SCMH1: variants seen among roughly 807,000 people sequenced by gnomAD.
SCMH1 encodes polycomb protein SCMH1.
Under a neutral mutation model 70.8 loss-of-function variants are expected in SCMH1, and 37 were observed. The ratio of observed to expected loss-of-function variants is 0.52; its 90% CI spans 0.40 to 0.69. The LOEUF (loss-of-function observed/expected upper bound fraction) is 0.69, where lower values mean the gene tolerates loss of function less well. Among genes scored for constraint, SCMH1 ranks in the 30% least tolerant of loss-of-function variants. The pLI, the probability that SCMH1 is intolerant of heterozygous loss-of-function variation, is 0.00. For missense variants in SCMH1, 607 were observed against 827.3 expected (o/e 0.73, Z 3.27); for synonymous variants, 292 against 307.4 (o/e 0.95, Z 0.52).
At chr1:41,210,837 T>C (rs1300989884) in intron 1 of SCMH1, among the ~76,000 whole-genome samples, 3 of 150,356 alleles carry the variant, frequency 2.0e-5, no homozygotes, top group African/African-American at 7.4e-5. Context: ...TAAGATGGAG[T>C]CTTGCTCTGT....
chr1:41,165,313 G>A (rs1233368318), intron 2 of SCMH1, among the ~76,000 whole-genome samples: 3 of 151,904 alleles, frequency 2.0e-5, no homozygotes, highest in African/African-American at 7.3e-5. Flanking sequence ...CCCATATCTT[G>A]GCTACTGTGA....
intron 6 of SCMH1, among the ~76,000 whole-genome samples, chr1:41,132,292 T>G (rs1642469022): frequency 6.6e-6 from 1 of 152,244 alleles, no homozygotes; most frequent in Non-Finnish European, 1.5e-5. Flanking sequence ...ATTTCTCTAA[T>G]GACCAGTGAT....
chr1:41,060,267 T>C (rs984549986), intron 10 of SCMH1, among the ~76,000 whole-genome samples: 12 of 151,622 alleles, frequency 7.9e-5, no homozygotes, highest in African/African-American at 2.7e-4. Context: ...AAATCAAAGA[T>C]AAAGAAAAAA....
chr1:41,186,286 C>T (rs774834551), intron 1 of SCMH1, 36 bp from the exon 2 acceptor site: 3 of 575,872 alleles, frequency 5.2e-6, no homozygotes, highest in Admixed American at 2.5e-5. Flanking sequence ...AGGAGAAGAA[C>T]ATTTATTACC....
intron 8 of SCMH1, among the ~76,000 whole-genome samples, chr1:41,108,148 A>C (rs148578005): frequency 6.6e-6 from 1 of 152,314 alleles, no homozygotes; most frequent in Admixed American, 6.5e-5. Context: ...AGGTATGCTA[A>C]AGTGCAGCAC....
intron 2 of SCMH1, among the ~76,000 whole-genome samples, chr1:41,183,837 A>C (rs1311592604): frequency 2.0e-5 from 3 of 152,132 alleles, no homozygotes; most frequent in Non-Finnish European, 4.4e-5. Flanking sequence ...CTGAAAACAG[A>C]TCATTTAAAA....
At chr1:41,050,630 C>A (rs1290948131) in intron 10 of SCMH1, among the ~76,000 whole-genome samples, 1 of 152,176 alleles carries the variant, frequency 6.6e-6, no homozygotes, top group Non-Finnish European at 1.5e-5. Context: ...ATACATTTAA[C>A]TCTGTTCTCT....
chr1:41,169,605 C>T (rs1409142514), intron 2 of SCMH1, among the ~76,000 whole-genome samples: 9 of 152,054 alleles, frequency 5.9e-5, no homozygotes, highest in Non-Finnish European at 8.8e-5. Flanking sequence ...TGTGGACATA[C>T]GCCTATCAGG....
At chr1:41,067,470 A>C (rs1212618364) in intron 10 of SCMH1, among the ~76,000 whole-genome samples, 1 of 151,388 alleles carries the variant, frequency 6.6e-6, no homozygotes, top group Non-Finnish European at 1.5e-5. Context: ...AAAAAAAAAA[A>C]AAAAAAAAAA....
intron 8 of SCMH1, among the ~76,000 whole-genome samples, chr1:41,109,308 T>A (rs1389225512): frequency 6.6e-6 from 1 of 152,058 alleles, no homozygotes; most frequent in African/African-American, 2.4e-5. Context: ...TTTTTCCTAT[T>A]TGCCATGAGC....
At chr1:41,086,253 G>T (rs1257827026) in intron 8 of SCMH1, among the ~76,000 whole-genome samples, 3 of 152,164 alleles carry the variant, frequency 2.0e-5, no homozygotes, top group Non-Finnish European at 4.4e-5. Context: ...AACAGTGAAA[G>T]AATTGAGCAA....
intron 8 of SCMH1, among the ~76,000 whole-genome samples, chr1:41,112,234 T>C (rs1669420952): frequency 6.6e-6 from 1 of 152,230 alleles, no homozygotes. Context: ...GTCACTTGTG[T>C]ACTCTCAGCT....
At chr1:41,169,800 C>T (rs781476122) in intron 2 of SCMH1, among the ~76,000 whole-genome samples, 4 of 152,156 alleles carry the variant, frequency 2.6e-5, no homozygotes, top group Non-Finnish European at 4.4e-5. Context: ...TGTGCTTCTG[C>T]ACCCGTATAA....
At chr1:41,186,821 A>C (rs535721667) in intron 1 of SCMH1, among the ~76,000 whole-genome samples, 121 of 152,334 alleles carry the variant, frequency 7.9e-4, no homozygotes, top group African/African-American at 2.7e-3. Flanking sequence ...TAAGCTAAGG[A>C]GAAAGACCTC....
Position 41,028,862 on chromosome 1 carries a change from T to C in SCMH1, c.1679-136A>G, listed in dbSNP as rs140926547. On this transcript the variant is annotated intron_variant, in intron 13 of 14. Transcript: ENST00000337495. Reference sequence around the variant, plus strand: ...AGACGATGAGCTGAGGAACTGGAGATAGCTGGGGGAGGGAAGCATTTCTTC... The same window carrying C: ...AGACGATGAGCTGAGGAACTGGAGACAGCTGGGGGAGGGAAGCATTTCTTC... 4,301 of 926,714 alleles carry C rather than the reference T, an allele frequency of 4.6e-3. 13 individuals carry two copies. Among genetic ancestry groups the C allele is most frequent in the Non-Finnish European group, 6.0e-3 (3,761 of 629,618 alleles). The allele number at this position is 926,714 out of a possible 1,614,324, so 57.4% of individuals were successfully genotyped here.
intron 10 of SCMH1, among the ~76,000 whole-genome samples, chr1:41,064,333 C>T (rs530718129): frequency 6.6e-6 from 1 of 152,166 alleles, no homozygotes; most frequent in East Asian, 1.9e-4. Context: ...AAATCAGGAA[C>T]AAGACAAGGA....
chr1:41,235,537 C>G (rs1222645538), intron 1 of SCMH1, among the ~76,000 whole-genome samples: 2 of 134,018 alleles, frequency 1.5e-5, no homozygotes, highest in Non-Finnish European at 3.1e-5. Context: ...CACCACTGCA[C>G]TCCAGCCTGG....
intron 1 of SCMH1, among the ~76,000 whole-genome samples, chr1:41,225,374 T>C (rs1660061369): frequency 6.6e-6 from 1 of 152,200 alleles, no homozygotes; most frequent in Non-Finnish European, 1.5e-5. Flanking sequence ...AAAATGCTTC[T>C]ATTTTTATAT....
chr1:41,099,911 AAAC>A (rs536227171), intron 8 of SCMH1, among the ~76,000 whole-genome samples: 9 of 152,208 alleles, frequency 5.9e-5, no homozygotes, highest in South Asian at 2.1e-4. Context: ...AACATGCTCT[AAAC>A]AACATTAGAA....
Sources: allele counts gnomAD v4.1 joint callset (sites outside exome capture counted in the v4.1 genomes callset), GRCh38; gene constraint gnomAD v4.1.1; transcripts MANE v1.5; gene names NCBI Gene and HGNC (gene_info 2026-07-23, HGNC 2026-07-21).